Variants in CEP170 observed in about 807,000 individuals in gnomAD.
CEP170 encodes centrosomal protein 170.
In CEP170, 21 loss-of-function variants were observed where a neutral mutation model predicts 151.9. The observed-to-expected ratio is 0.14, with a 90% CI of 0.10 to 0.20. The LOEUF (loss-of-function observed/expected upper bound fraction) is 0.20. Among genes scored for constraint, CEP170 ranks in the 10% least tolerant of loss-of-function variants. CEP170 has a pLI of 1.00. For synonymous variants in CEP170, 356 were observed against 648.8 expected, an observed-to-expected ratio of 0.55 and a Z score of 6.86; for missense variants, 964 against 1,892.9, an observed-to-expected ratio of 0.51 and a Z score of 9.11.
chr1:243,240,068 C>T (rs1448543173), intron 1 of CEP170, among the ~76,000 whole-genome samples: 1 of 152,102 alleles, frequency 6.6e-6, no homozygotes, highest in Non-Finnish European at 1.5e-5. Flanking sequence ...CCCAGCACTT[C>T]GGGAGGCTGA....
chr1:243,237,623 C>T (rs1045347160), intron 1 of CEP170, among the ~76,000 whole-genome samples: 3 of 152,116 alleles, frequency 2.0e-5, no homozygotes, highest in Admixed American at 6.5e-5. Flanking sequence ...CACTATAGGC[C>T]AGGCATGGTG....
At chr1:243,170,737 T>C (rs1175527424) in intron 11 of CEP170, among the ~76,000 whole-genome samples, 3 of 152,224 alleles carry the variant, frequency 2.0e-5, no homozygotes, top group Admixed American at 6.5e-5. Context: ...GAGGTTGCAG[T>C]GAGCCGAGAT....
chr1:243,209,413 C>A (rs938135788), intron 4 of CEP170, among the ~76,000 whole-genome samples: 3 of 152,078 alleles, frequency 2.0e-5, no homozygotes, highest in African/African-American at 7.2e-5. Context: ...TCTTGAACTC[C>A]TGACCTCAAC....
chr1:243,158,832 G>C (rs2057796327), intron 13 of CEP170, among the ~76,000 whole-genome samples: 1 of 152,078 alleles, frequency 6.6e-6, no homozygotes, highest in Non-Finnish European at 1.5e-5. Context: ...ACTTTGGGAG[G>C]CTGAGGTGGG....
intron 4 of CEP170, among the ~76,000 whole-genome samples, chr1:243,206,626 C>T (rs12406654): frequency 0.08 from 12,146 of 152,178 alleles, 1,115 homozygotes; most frequent in African/African-American, 0.21. Flanking sequence ...TCGTGGGTTT[C>T]AGACATAAGT....
At chr1:243,233,085 G>C (rs983626997) in intron 1 of CEP170, among the ~76,000 whole-genome samples, 1 of 152,084 alleles carries the variant, frequency 6.6e-6, no homozygotes, top group Non-Finnish European at 1.5e-5. Context: ...AGTCCTCTTC[G>C]GTTGTCTCTT....
chr1:243,140,262 A>G lies in CEP170; in HGVS notation c.4060-155T>C, dbSNP rs983851809. The G allele has an allele frequency of 5.7e-5, 65 of 1,149,698 alleles. No homozygotes were observed. In the African/African-American group the frequency reaches 8.5e-4, roughly 15 times the overall value. 71.2% of individuals were successfully genotyped at this position (1,149,698 alleles called of 1,614,324 possible). ...AATAAACCAATTACTCTTTCTTTTT[A>G]TAAGCACTTCAAATGTATTTCCTTT... On this transcript the variant is annotated intron_variant, in intron 15 of 19. Transcript: ENST00000366542.
chr1:243,210,694 A>C (rs2148902542), intron 4 of CEP170, among the ~76,000 whole-genome samples: 1 of 126,892 alleles, frequency 7.9e-6, no homozygotes, highest in East Asian at 2.5e-4. Flanking sequence ...GGCTCACTGC[A>C]ACCTCTGCCT....
Position 243,211,932 on chromosome 1 carries a change from C to G in CEP170, c.228G>C (p.Gln76His), listed in dbSNP as rs571673309. 3.2e-4 allele frequency: 511 copies of G among 1,575,058 alleles called. 5 individuals are homozygous for G. In the South Asian group the frequency reaches 5.9e-3, roughly 18 times the overall value. ...TFVNDVRIPE[Q>H]TYITLKLEDK... The stretch of plus-strand genomic sequence containing the variant: ...CTTCAAGTTTCAAGGTGATATAAGT[C>G]TGTTCCGGAATCCTTACATCATTCA... The change falls in exon 4 of 20, where the codon CAG (glutamine) becomes CAC (histidine). Residue 76 changes from glutamine to histidine, a missense_variant. Physicochemically the swap from Gln to His is conservative, Grantham distance 24. Coordinates refer to ENST00000366542, the MANE Select transcript of CEP170 (RefSeq NM_014812.3).
intron 1 of CEP170, among the ~76,000 whole-genome samples, chr1:243,252,304 G>C (rs1284022696): frequency 1.3e-5 from 2 of 152,074 alleles, no homozygotes; most frequent in African/African-American, 4.8e-5. Flanking sequence ...TAACATCCCA[G>C]TGTTTGGGAC....
At chr1:243,209,917 T>A (rs535593633) in intron 4 of CEP170, among the ~76,000 whole-genome samples, 281 of 152,040 alleles carry the variant, frequency 1.8e-3, no homozygotes, top group African/African-American at 6.8e-3. Flanking sequence ...ATGGTCTCAA[T>A]CTCCTGACCT....
intron 17 of CEP170, 174 bp downstream of exon 17, chr1:243,135,969 T>C: frequency 4.0e-6 from 3 of 756,366 alleles, no homozygotes; most frequent in Middle Eastern, 3.9e-4. Flanking sequence ...AGTCTATTTA[T>C]GTTTTGAATT....
chr1:243,209,459 T>C (rs1458527386), intron 4 of CEP170, among the ~76,000 whole-genome samples: 1 of 152,138 alleles, frequency 6.6e-6, no homozygotes, highest in Non-Finnish European at 1.5e-5. Flanking sequence ...AGTGCTGGGA[T>C]TACAGGTGTG....
intron 8 of CEP170, among the ~76,000 whole-genome samples, chr1:243,190,470 A>T (rs1268479422): frequency 6.6e-6 from 1 of 152,178 alleles, no homozygotes; most frequent in Non-Finnish European, 1.5e-5. Context: ...ATTAAAAAAA[A>T]TTTTAAAACT....
intron 10 of CEP170, among the ~76,000 whole-genome samples, chr1:243,184,892 A>G (rs1023862499): frequency 6.6e-6 from 1 of 152,116 alleles, no homozygotes; most frequent in Admixed American, 6.6e-5. Context: ...TGCATTTCTA[A>G]CAAGCTTCCA....
At position 243,185,888 on chromosome 1, in the gene CEP170, G is replaced by A. The variant is rs759465110; in HGVS notation, c.1457C>T (p.Ala486Val). The stretch of plus-strand genomic sequence containing the variant: ...ATCATCATTATCCTTTTCAGAAGTA[G>A]CAGAAGTTGCTTGATTTTTTAACAT... ...DKMLKNQATS[A>V]TSEKDNDDDQ... Residue 486 changes from alanine to valine, a missense_variant, in exon 10 of 20, where the codon GCT becomes GTT. Transcript: ENST00000366542. The surrounding 1 kb of genome is among the most constrained non-coding windows in gnomAD (Gnocchi z 4.9). 1.2e-6 allele frequency: 2 copies of A among 1,613,646 alleles called. No individual in the cohort carries two copies. Among genetic ancestry groups the A allele is most frequent in the Non-Finnish European group, 8.5e-7 (1 of 1,179,694 alleles).
intron 17 of CEP170, among the ~76,000 whole-genome samples, chr1:243,130,663 A>C (rs2054291610): frequency 6.6e-6 from 1 of 151,952 alleles, no homozygotes; most frequent in South Asian, 2.1e-4. Context: ...CTGCAAGCTG[A>C]TCAGCATTTA....
At chr1:243,237,503 T>C (rs1330430684) in intron 1 of CEP170, among the ~76,000 whole-genome samples, 2 of 152,182 alleles carry the variant, frequency 1.3e-5, no homozygotes, top group Non-Finnish European at 2.9e-5. Flanking sequence ...ATACTTATAG[T>C]ATATAAACAT....
intron 7 of CEP170, among the ~76,000 whole-genome samples, chr1:243,194,973 T>A (rs1192384733): frequency 1.3e-5 from 2 of 151,982 alleles, no homozygotes; most frequent in East Asian, 3.9e-4. Context: ...TAACACAATA[T>A]GTTATAAGGG....
Sources: allele counts gnomAD v4.1 joint callset (sites outside exome capture counted in the v4.1 genomes callset), GRCh38; gene constraint gnomAD v4.1.1; non-coding constraint Gnocchi (gnomAD v3.1); transcripts MANE v1.5; gene names NCBI Gene and HGNC (gene_info 2026-07-23, HGNC 2026-07-21).